Variants in SPOCK3 observed in about 807,000 individuals in gnomAD.
The protein encoded by SPOCK3 is testican-3.
In SPOCK3, 30 loss-of-function variants were observed where a neutral mutation model predicts 56.6. The ratio of observed to expected loss-of-function variants is 0.53; its 90% CI spans 0.40 to 0.72. SPOCK3 has a LOEUF of 0.72. Ranked by LOEUF, SPOCK3 falls within the 30% of genes least tolerant of loss-of-function variation. The pLI is 0.00. For synonymous variants in SPOCK3, 196 were observed against 183.3 expected, an observed-to-expected ratio of 1.07 and a Z score of -0.56; for missense variants, 527 against 530.0, an observed-to-expected ratio of 0.99 and a Z score of 0.06.
intron 3 of SPOCK3, among the ~76,000 whole-genome samples, chr4:167,010,070 T>G (rs1455414501): frequency 6.6e-6 from 1 of 151,860 alleles, no homozygotes; most frequent in East Asian, 1.9e-4. Flanking sequence ...AAATAAACAA[T>G]AAGTGGGTGG....
chr4:166,877,564 A>T (rs1205560224), intron 6 of SPOCK3, among the ~76,000 whole-genome samples: 1 of 152,178 alleles, frequency 6.6e-6, no homozygotes, highest in African/African-American at 2.4e-5. Context: ...GGGATAGAAG[A>T]AAAAAGAATG....
rs925584394 is a variant in SPOCK3 at position 166,945,808 on chromosome 4, C to T, written c.351-33065G>A. ...GGCTCCAAAACCTCCCACAGGATCACACAGGTGTAGTTTTCCCTCCTTACC... is the reference window on the plus strand; with the variant it reads ...GGCTCCAAAACCTCCCACAGGATCATACAGGTGTAGTTTTCCCTCCTTACC... On this transcript the variant is annotated intron_variant, in intron 4 of 10. Coordinates refer to ENST00000357545, the MANE Select transcript of SPOCK3 (RefSeq NM_001040159.2). 1.1e-4 allele frequency among the ~76,000 whole-genome samples: 17 copies of T among 152,278 alleles called. 1 individual carries two copies. The South Asian group carries it at 3.3e-3, about 30-fold the overall frequency.
At chr4:166,882,629 T>C (rs1014710807) in intron 6 of SPOCK3, among the ~76,000 whole-genome samples, 1 of 152,208 alleles carries the variant, frequency 6.6e-6, no homozygotes, top group African/African-American at 2.4e-5. Flanking sequence ...CTTTTATATC[T>C]GATAACATAC....
chr4:166,768,140 C>T (rs983340019), intron 7 of SPOCK3, among the ~76,000 whole-genome samples: 6 of 152,074 alleles, frequency 3.9e-5, no homozygotes, highest in Non-Finnish European at 7.4e-5. Flanking sequence ...GACTCTTTAT[C>T]CAATTTGCCA....
intron 6 of SPOCK3, among the ~76,000 whole-genome samples, chr4:166,863,084 A>G (rs945568024): frequency 6.6e-6 from 1 of 152,110 alleles, no homozygotes; most frequent in Non-Finnish European, 1.5e-5. Context: ...CCTACAAGCC[A>G]AAAGAGAGTG....
chr4:167,060,215 TA>T, intron 3 of SPOCK3, among the ~76,000 whole-genome samples: 1 of 146,302 alleles, frequency 6.8e-6, no homozygotes, highest in East Asian at 2.0e-4. Context: ...TATTCAGCCA[TA>T]AAAAGAATGA....
At position 166,754,655 on chromosome 4, in the gene SPOCK3, C is replaced by T; in HGVS notation, c.784G>A (p.Asp262Asn). Residue 262 changes from aspartate to asparagine, a missense_variant, in exon 8 of 11, where the codon GAC becomes AAC. Physicochemically the swap from Asp to Asn is conservative, Grantham distance 23 (BLOSUM62 1). Coordinates refer to ENST00000357545, the MANE Select transcript of SPOCK3 (RefSeq NM_001040159.2). ...WMFNRLDTNY[D>N]LLLDQSELRS... ...AGCTCTGACTGGTCCAATAGCAGGTCATAGTTTGTATCAAGTCTGTTAAAC... is the reference window on the plus strand; with the variant it reads ...AGCTCTGACTGGTCCAATAGCAGGTTATAGTTTGTATCAAGTCTGTTAAAC... 1 of 1,613,602 alleles carries T rather than the reference C, an allele frequency of 6.2e-7. No individual in the cohort carries two copies.
At chr4:166,743,466 C>A (rs1298930381) in intron 8 of SPOCK3, among the ~76,000 whole-genome samples, 1 of 152,008 alleles carries the variant, frequency 6.6e-6, no homozygotes, top group East Asian at 1.9e-4. Context: ...CTTATAGAAT[C>A]TAAAATGTAA....
Position 167,074,893 on chromosome 4 carries a change from C to A in SPOCK3, c.190-12356G>T, listed in dbSNP as rs186474371. On this transcript the variant is annotated intron_variant, in intron 2 of 10. Coordinates refer to ENST00000357545, the MANE Select transcript of SPOCK3 (RefSeq NM_001040159.2). ...TTTTCATGGATACATAATAGTTATA[C>A]ATAGAGTACGTACAATGTTTTGATA... is the stretch of plus-strand genomic sequence containing the variant. Among the ~76,000 whole-genome samples, 37 of 151,982 alleles carry A rather than the reference C, an allele frequency of 2.4e-4. No individual in the cohort carries two copies. The East Asian group carries it at 6.8e-3, about 28-fold the overall frequency.
chr4:166,733,820 C>A lies in SPOCK3; in HGVS notation c.*1101G>T, dbSNP rs1168952408. ...TAGAAAAAAAGAAACAAACGTATCC[C>A]ATTTTCTTCATTCCAGCAGCAATAC... On this transcript the variant is annotated 3_prime_UTR_variant, in exon 11 of 11. Coordinates refer to ENST00000357545, the MANE Select transcript of SPOCK3 (RefSeq NM_001040159.2). The A allele has an allele frequency of 6.6e-6, 1 of 152,176 alleles. No individual in the cohort carries two copies. The highest frequency in any genetic ancestry group is 2.4e-5 in the African/African-American group (1 of 41,384). 9.4% of individuals were successfully genotyped at this position (152,176 alleles called of 1,614,324 possible).
chr4:166,754,424 G>T (rs1736795841), intron 8 of SPOCK3, 84 bp downstream of exon 8: 2 of 1,497,808 alleles, frequency 1.3e-6, no homozygotes, highest in African/African-American at 2.8e-5. Flanking sequence ...AATGAGCATA[G>T]TGTACTGTTT....
In SPOCK3 at chr4:166,760,864, G is replaced by T. The variant is rs1378942224; in HGVS notation, c.710-6135C>A. On this transcript the variant is annotated intron_variant, in intron 7 of 10. Coordinates refer to ENST00000357545, the MANE Select transcript of SPOCK3 (RefSeq NM_001040159.2). The stretch of plus-strand genomic sequence containing the variant: ...GGACTTCATGTCCAAAACACCAAAA[G>T]CAATGCAACAAAAGACAAAATTGAC... Among the ~76,000 whole-genome samples the T allele has an allele frequency of 4.7e-5, 2 of 42,952 alleles. 1 individual carries two copies. The highest frequency in any genetic ancestry group is 2.2e-4 in the African/African-American group (2 of 9,008). The allele number at this position is 42,952 out of a possible 152,430, so 28.2% of individuals were successfully genotyped here. A position where few individuals can be genotyped will look rare whatever the true frequency, so the allele number is the denominator to read the frequency against.
chr4:166,941,816 C>A (rs976764189), intron 4 of SPOCK3, among the ~76,000 whole-genome samples: 20 of 152,082 alleles, frequency 1.3e-4, no homozygotes, highest in Non-Finnish European at 2.4e-4. Flanking sequence ...AAGAACCGAG[C>A]CTTTAGGGAA....
chr4:167,216,820 T>C (rs1159626805), intron 2 of SPOCK3, among the ~76,000 whole-genome samples: 1 of 152,114 alleles, frequency 6.6e-6, no homozygotes, highest in Non-Finnish European at 1.5e-5. Flanking sequence ...CCTCAAATTC[T>C]GAGTTTCTGC....
In SPOCK3 at chr4:166,764,813, A is replaced by G. The variant is rs184436215; in HGVS notation, c.710-10084T>C. Among the ~76,000 whole-genome samples, 9 of 150,958 alleles carry G rather than the reference A, an allele frequency of 6.0e-5. No homozygotes were observed. The East Asian group carries it at 1.8e-3, about 30-fold the overall frequency. On this transcript the variant is annotated intron_variant, in intron 7 of 10. Transcript: ENST00000357545. ...TAGTTTACAGTCCCAGCAACAGTGTAAATGTGTTCCTATTTCTCCACATCC... is the reference window on the plus strand; with the variant it reads ...TAGTTTACAGTCCCAGCAACAGTGTGAATGTGTTCCTATTTCTCCACATCC...
At chr4:167,020,238 T>G (rs2150159952) in intron 3 of SPOCK3, among the ~76,000 whole-genome samples, 1 of 152,164 alleles carries the variant, frequency 6.6e-6, no homozygotes, top group Non-Finnish European at 1.5e-5. Context: ...AACCCATGCA[T>G]TCAGTAATAA....
At chr4:166,766,261 G>T (rs1045887823) in intron 7 of SPOCK3, among the ~76,000 whole-genome samples, 6 of 152,138 alleles carry the variant, frequency 3.9e-5, no homozygotes, top group Non-Finnish European at 8.8e-5. Context: ...TCCCTGTCTT[G>T]TGCCAGTTTT....
chr4:166,901,732 T>A (rs1579589119), intron 5 of SPOCK3, among the ~76,000 whole-genome samples: 2 of 152,110 alleles, frequency 1.3e-5, no homozygotes, highest in East Asian at 3.9e-4. Flanking sequence ...GTTGGATGTA[T>A]AAGGTAGATC....
chr4:166,854,269 A>G (rs956873422), intron 6 of SPOCK3, among the ~76,000 whole-genome samples: 1 of 152,170 alleles, frequency 6.6e-6, no homozygotes, highest in African/African-American at 2.4e-5. Context: ...TCTGATATTC[A>G]TTTTGTTTTC....
Sources: allele counts gnomAD v4.1 joint callset (sites outside exome capture counted in the v4.1 genomes callset), GRCh38; gene constraint gnomAD v4.1.1; transcripts MANE v1.5; gene names NCBI Gene and HGNC (gene_info 2026-07-23, HGNC 2026-07-21).